The following TTF1 variants were observed in gnomAD, a reference collection of about 807,000 sequenced individuals.
The protein encoded by TTF1 is transcription termination factor 1, also known as transcription termination factor, RNA polymerase I.
In TTF1, 64 loss-of-function variants were observed where a neutral mutation model predicts 80.2. That is an observed-to-expected ratio of 0.80 (90% confidence interval 0.65 to 0.98). The LOEUF (loss-of-function observed/expected upper bound fraction) is 0.98. Among genes scored for constraint, TTF1 ranks in the 50% least tolerant of loss-of-function variants. The probability of loss-of-function intolerance (pLI) is 0.00; values close to 1 mark genes in which losing one functional copy is unlikely to be tolerated. For missense variants in TTF1, 1,023 were observed against 1,086.2 expected, an observed-to-expected ratio of 0.94 and a Z score of 0.82; for synonymous variants, 372 against 382.7, an observed-to-expected ratio of 0.97 and a Z score of 0.33.
In TTF1 at chr9:132,402,594, A is replaced by C; in HGVS notation, c.228T>G (p.Thr76=). Residue 76 remains threonine (T), a synonymous_variant, in exon 2 of 11, where the codon ACT becomes ACG. Transcript: ENST00000334270. ...PLKKSRICDE[T]ANATSTLKKR... is the part of the protein sequence containing the mutation. Reference sequence around the variant, plus strand: ...TTTTGAGTGTGGAAGTGGCATTTGCAGTCTCATCACAGATTCTGGATTTTT... The same window carrying C: ...TTTTGAGTGTGGAAGTGGCATTTGCCGTCTCATCACAGATTCTGGATTTTT... 1.2e-6 allele frequency: 2 copies of C among 1,614,018 alleles called. No homozygotes were observed. The highest frequency in any genetic ancestry group is 1.7e-6 in the Non-Finnish European group (2 of 1,180,004).
At chr9:132,394,927 C>T (rs1849619742) in intron 5 of TTF1, among the ~76,000 whole-genome samples, 1 of 150,956 alleles carries the variant, frequency 6.6e-6, no homozygotes, top group African/African-American at 2.4e-5. Flanking sequence ...CACGGTGTCT[C>T]ACCCCTGTAA....
rs555067905 is a variant in TTF1, at chr9:132,398,053, C to T, written c.1777+88G>A. The T allele has an allele frequency of 6.0e-4, 671 of 1,116,126 alleles. 2 individuals carry two copies. Among genetic ancestry groups the T allele is most frequent in the Non-Finnish European group, 7.5e-4 (605 of 807,852 alleles). 69.1% of individuals were successfully genotyped at this position (1,116,126 alleles called of 1,614,324 possible). Reference sequence around the variant, plus strand: ...TGTGCGCCGCCTGCAGGCAATGGGCCAGGTACCGTGCTAACACTTACCATG... The same window carrying T: ...TGTGCGCCGCCTGCAGGCAATGGGCTAGGTACCGTGCTAACACTTACCATG... On this transcript the variant is annotated intron_variant, in intron 4 of 10. Coordinates refer to ENST00000334270, the MANE Select transcript of TTF1 (RefSeq NM_007344.4).
intron 8 of TTF1, among the ~76,000 whole-genome samples, chr9:132,387,406 G>T (rs563369224): frequency 6.6e-6 from 1 of 152,232 alleles, no homozygotes; most frequent in East Asian, 1.9e-4. Flanking sequence ...GACTTGAGAT[G>T]CCCTTCTTGG....
At position 132,391,504 on chromosome 9, in the gene TTF1, C is replaced by T. The variant is rs537195285; in HGVS notation, c.1987+572G>A. 7.2e-4 allele frequency among the ~76,000 whole-genome samples: 108 copies of T among 151,016 alleles called. No homozygotes were observed. In the South Asian group the frequency reaches 7.7e-3, roughly 11 times the overall value. On this transcript the variant is annotated intron_variant, in intron 6 of 10. Coordinates refer to ENST00000334270, the MANE Select transcript of TTF1 (RefSeq NM_007344.4). ...AAGAAAAAAAGATAGCTAGAGTTCA[C>T]AAAATTAAAAAAAAAAACAATTTAA...
chr9:132,402,020 C>T lies in TTF1; in HGVS notation c.802G>A (p.Gly268Arg). 6.2e-7 allele frequency: 1 copy of T among 1,613,920 alleles called. No individual in the cohort carries two copies. The highest frequency in any genetic ancestry group is 8.5e-7 in the Non-Finnish European group (1 of 1,180,006). ...GLDDETPQLL[G>R]PTHKKKSKKK... Reference sequence around the variant, plus strand: ...TTAGACTTTTTTTTGTGAGTAGGTCCTAGTAGTTGTGGAGTTTCATCATCC... The same window carrying T: ...TTAGACTTTTTTTTGTGAGTAGGTCTTAGTAGTTGTGGAGTTTCATCATCC... The change falls in exon 2 of 11, where the codon GGA (glycine) becomes AGA (arginine). Residue 268 changes from glycine to arginine, a missense_variant. Physicochemically the swap from Gly to Arg is moderately radical, Grantham distance 125. Transcript: ENST00000334270.
intron 4 of TTF1, among the ~76,000 whole-genome samples, chr9:132,397,187 T>A (rs940538001): frequency 6.6e-6 from 1 of 152,156 alleles, no homozygotes; most frequent in Non-Finnish European, 1.5e-5. Context: ...TAAGATAATG[T>A]GAATTAAGAG....
intron 7 of TTF1, 114 bp from the exon 8 acceptor site, chr9:132,388,342 CTTT>C (rs879104319): frequency 8.3e-5 from 43 of 518,272 alleles, no homozygotes; most frequent in Middle Eastern, 5.2e-4. Context: ...TCTAACTTTT[CTTT>C]TTTTTTTTTG....
At chr9:132,404,731 C>G (rs1049460988) in intron 1 of TTF1, among the ~76,000 whole-genome samples, 3 of 152,178 alleles carry the variant, frequency 2.0e-5, no homozygotes, top group African/African-American at 7.2e-5. Flanking sequence ...CACTTATTAA[C>G]CCACATCCTG....
At chr9:132,377,493 T>A (rs1200248636) in intron 10 of TTF1, among the ~76,000 whole-genome samples, 4 of 63,572 alleles carry the variant, frequency 6.3e-5, no homozygotes, top group Non-Finnish European at 1.1e-4. Flanking sequence ...ATGTGGTGTG[T>A]GTGAGTGCAT....
At chr9:132,385,406 G>A (rs1486306109) in intron 9 of TTF1, among the ~76,000 whole-genome samples, 2 of 152,218 alleles carry the variant, frequency 1.3e-5, no homozygotes, top group East Asian at 1.9e-4. Context: ...TGTCTGGAGC[G>A]TGTGCTGAGT....
intron 5 of TTF1, among the ~76,000 whole-genome samples, chr9:132,393,364 G>A (rs1001970290): frequency 1.1e-4 from 17 of 152,006 alleles, no homozygotes; most frequent in African/African-American, 3.9e-4. Flanking sequence ...GTGGGTTCAC[G>A]GGAATGAGGG....
chr9:132,383,591 T>TG (rs1664797039), intron 9 of TTF1, among the ~76,000 whole-genome samples: 1 of 152,164 alleles, frequency 6.6e-6, no homozygotes, highest in African/African-American at 2.4e-5. Context: ...CTGTTACTCT[T>TG]GCAACTTGTT....
intron 3 of TTF1, 138 bp downstream of exon 3, chr9:132,399,896 AT>A: frequency 1.1e-6 from 1 of 928,760 alleles, no homozygotes; most frequent in East Asian, 2.6e-5. Context: ...AGCTTGGACA[AT>A]TCTGGTAGGA....
intron 10 of TTF1, among the ~76,000 whole-genome samples, chr9:132,376,666 T>A (rs374417608): frequency 6.6e-6 from 1 of 150,444 alleles, no homozygotes; most frequent in South Asian, 2.1e-4. Context: ...TGTATCCTTT[T>A]TTTTTTTTTT....
intron 1 of TTF1, among the ~76,000 whole-genome samples, chr9:132,404,093 A>C (rs1457827270): frequency 1.3e-5 from 2 of 152,174 alleles, no homozygotes; most frequent in Non-Finnish European, 2.9e-5. Flanking sequence ...TTTTAGATTT[A>C]TCTTTGGCTA....
rs1211398735 is a variant in TTF1, at chr9:132,390,676, T to C, written c.2143A>G (p.Lys715Glu). The C allele has an allele frequency of 1.2e-6, 2 of 1,614,104 alleles. No individual in the cohort carries two copies. The highest frequency in any genetic ancestry group is 1.7e-6 in the Non-Finnish European group (2 of 1,180,044). The change falls in exon 7 of 11, where the codon AAA becomes GAA. Residue 715 changes from lysine (K) to glutamate (E), a missense_variant. Lys to Glu is a moderately conservative substitution (Grantham distance 56). Transcript: ENST00000334270. ...ACCCAAGATATGCCCTTGTAGAGTT[T>C]TTCCCGAACAATTGATAGGCAACTT... Reference protein sequence around the residue: ...PESCLSIVREKLYKGISWVEV... With the variant: ...PESCLSIVREELYKGISWVEV...
At chr9:132,391,994 G>A (rs1251626374) in intron 6 of TTF1, 82 bp downstream of exon 6, 25 of 1,584,450 alleles carry the variant, frequency 1.6e-5, no homozygotes, top group Admixed American at 1.8e-5. Flanking sequence ...GGTGATTTCC[G>A]GGCATTGGAT....
In TTF1 at chr9:132,377,821, GGT is replaced by G. The variant is rs138485048; in HGVS notation, c.2464+1236_2464+1237del. On this transcript the variant is annotated intron_variant, in intron 10 of 10. Coordinates refer to ENST00000334270, the MANE Select transcript of TTF1 (RefSeq NM_007344.4). ...GTGTGCATGTGGTGTGAGTGCATGTGGTGTGTGTGAATGCATGTGGTGTGTGT... is the reference window on the plus strand; with the variant it reads ...GTGTGCATGTGGTGTGAGTGCATGTGGTGTGTGAATGCATGTGGTGTGTGT... Among the ~76,000 whole-genome samples the G allele has an allele frequency of 8.6e-3, 1,094 of 126,746 alleles. 24 individuals are homozygous for G. Among genetic ancestry groups the G allele is most frequent in the African/African-American group, 0.018 (555 of 30,764 alleles). The allele number at this position is 126,746 out of a possible 152,430, so 83.2% of individuals were successfully genotyped here.
rs1849426842 is a variant in TTF1 at position 132,384,621 on chromosome 9, G to A, written c.2378+1935C>T. ...TACGCGTGGCTGGTGAGTGGTAAGG[G>A]GACACTTTTCACTGTGTTTCCTTTC... On this transcript the variant is annotated intron_variant, in intron 9 of 10. Coordinates refer to ENST00000334270, the MANE Select transcript of TTF1 (RefSeq NM_007344.4). This position sits in a 1 kb window ranked among gnomAD's most constrained non-coding sequence, Gnocchi z 4.1. 6.6e-6 allele frequency among the ~76,000 whole-genome samples: 1 copy of A among 152,078 alleles called. No individual in the cohort carries two copies.
Sources: gnomAD v4.1 joint callset for allele counts (sites outside exome capture counted in the v4.1 genomes callset) on GRCh38, gnomAD v4.1.1 for gene constraint, Gnocchi (gnomAD v3.1) non-coding constraint, MANE v1.5 for transcripts, NCBI Gene and HGNC (gene_info 2026-07-23, HGNC 2026-07-21) for gene names.